The following SUFU variants were observed in gnomAD, a reference collection of about 807,000 sequenced individuals.
SUFU encodes SUFU negative regulator of hedgehog signaling.
Under a neutral mutation model 58.9 loss-of-function variants are expected in SUFU, and 7 were observed. The observed-to-expected ratio is 0.12, with a 90% CI of 0.07 to 0.22. SUFU has a LOEUF of 0.22. Among genes scored for constraint, SUFU ranks in the 10% least tolerant of loss-of-function variants. The pLI is 1.00. For synonymous variants in SUFU, 232 were observed against 254.8 expected (o/e 0.91, Z 0.85); for missense variants, 451 against 641.3 (o/e 0.70, Z 3.20).
chr10:102,537,942 G>T (rs2062759644), intron 2 of SUFU, among the ~76,000 whole-genome samples: 1 of 152,250 alleles, frequency 6.6e-6, no homozygotes, highest in Admixed American at 6.5e-5. Context: ...GGATCATGTG[G>T]CAATTCTATG....
chr10:102,503,915 G>T (rs1015484847), upstream of SUFU: 3 of 502,440 alleles, frequency 6.0e-6, no homozygotes, highest in Non-Finnish European at 6.9e-6. Context: ...TGCTTGGATA[G>T]GGTGCGCCGG....
intron 2 of SUFU, 122 bp downstream of exon 2, chr10:102,509,425 C>T (rs978758357): frequency 1.9e-5 from 27 of 1,393,804 alleles, no homozygotes; most frequent in Non-Finnish European, 2.1e-5. Context: ...CATTTCTGCC[C>T]TCTGACTATA....
At chr10:102,610,266 A>G (rs10736158) in intron 8 of SUFU, among the ~76,000 whole-genome samples, 68,456 of 150,964 alleles carry the variant, frequency 0.45, 15,916 homozygotes, top group East Asian at 0.68. Flanking sequence ...GGTGGTGGGC[A>G]CCTATAATCC....
chr10:102,524,327 TTC>T lies in SUFU; in HGVS notation c.317+15026_317+15027del, dbSNP rs755578481. On this transcript the variant is annotated intron_variant, in intron 2 of 11. Coordinates refer to ENST00000369902, the MANE Select transcript of SUFU (RefSeq NM_016169.4). ...GCCTAATTTTTCTTTTTCTTTTCTT[TTC>T]TTTTTTTTTTTTTTGAGATGAAGTC... Among the ~76,000 whole-genome samples the T allele has an allele frequency of 1.1e-3, 128 of 112,800 alleles. 19 individuals are homozygous for T. The highest frequency in any genetic ancestry group is 2.6e-3 in the African/African-American group (73 of 28,202). The allele number at this position is 112,800 out of a possible 152,430, so 74.0% of individuals were successfully genotyped here. A position where few individuals can be genotyped will look rare whatever the true frequency, so the allele number is the denominator to read the frequency against.
intron 3 of SUFU, among the ~76,000 whole-genome samples, chr10:102,590,545 T>C (rs1482054096): frequency 6.6e-6 from 1 of 152,202 alleles, no homozygotes; most frequent in Non-Finnish European, 1.5e-5. Flanking sequence ...GCATAAAGTA[T>C]ATTGGTCTAT....
chr10:102,597,452 G>A (rs1367759358), intron 7 of SUFU, among the ~76,000 whole-genome samples, 159 bp downstream of exon 7: 3 of 152,210 alleles, frequency 2.0e-5, no homozygotes, highest in East Asian at 1.9e-4. Context: ...CCAGCAGGGC[G>A]GAATTAAGGG....
chr10:102,509,439 A>C lies in SUFU; in HGVS notation c.317+136A>C, dbSNP rs2062372595. The C allele has an allele frequency of 2.4e-6, 3 of 1,273,164 alleles. No individual in the cohort carries two copies. In the Admixed American group the frequency reaches 5.1e-5, roughly 21 times the overall value. The allele number at this position is 1,273,164 out of a possible 1,614,324, so 78.9% of individuals were successfully genotyped here. On this transcript the variant is annotated intron_variant, in intron 2 of 11. Transcript: ENST00000369902. ...GCATTTCTGCCCTCTGACTATATCT[A>C]CTCATGCCAAGGTGGTCCTCGTTAA...
At chr10:102,529,439 A>AT (rs1232584261) in intron 2 of SUFU, among the ~76,000 whole-genome samples, 1 of 152,202 alleles carries the variant, frequency 6.6e-6, no homozygotes, top group African/African-American at 2.4e-5. Flanking sequence ...ATTTTAAAGG[A>AT]TAAATGATGA....
At chr10:102,572,497 C>G (rs951515672) in intron 3 of SUFU, among the ~76,000 whole-genome samples, 1 of 150,340 alleles carries the variant, frequency 6.7e-6, no homozygotes. Flanking sequence ...TCAAGCAATT[C>G]TCCTGCCCCA....
chr10:102,574,595 A>G (rs2063194973), intron 3 of SUFU, among the ~76,000 whole-genome samples: 1 of 152,196 alleles, frequency 6.6e-6, no homozygotes, highest in African/African-American at 2.4e-5. Context: ...CCTGAGTGAC[A>G]CAGTGAGACC....
At chr10:102,590,529 G>A (rs1036770697) in intron 3 of SUFU, among the ~76,000 whole-genome samples, 1 of 151,878 alleles carries the variant, frequency 6.6e-6, no homozygotes, top group African/African-American at 2.4e-5. Context: ...ATTTTTGTTT[G>A]TATATGCATA....
At position 102,625,129 on chromosome 10, in the gene SUFU, A is replaced by T. The variant is rs1468431825; in HGVS notation, c.1297-2046A>T. ...CAGACTGGTGATAACTGGTGGGGAAACTGAACTTTTGGGGAGGACACCCCT... is the reference window on the plus strand; with the variant it reads ...CAGACTGGTGATAACTGGTGGGGAATCTGAACTTTTGGGGAGGACACCCCT... On this transcript the variant is annotated intron_variant, in intron 10 of 11. Transcript: ENST00000369902. The surrounding 1 kb of genome is among the most constrained non-coding windows in gnomAD (Gnocchi z 4.7). 6.6e-6 allele frequency among the ~76,000 whole-genome samples: 1 copy of T among 152,218 alleles called. No homozygotes were observed. The highest frequency in any genetic ancestry group is 1.5e-5 in the Non-Finnish European group (1 of 68,036).
intron 3 of SUFU, among the ~76,000 whole-genome samples, chr10:102,585,028 T>A (rs1431355249): frequency 2.0e-5 from 3 of 152,274 alleles, no homozygotes; most frequent in Non-Finnish European, 4.4e-5. Flanking sequence ...CAGGCCAGGC[T>A]GCTGTGCCTG....
intron 2 of SUFU, among the ~76,000 whole-genome samples, chr10:102,523,810 G>A (rs1184006616): frequency 6.6e-6 from 1 of 152,214 alleles, no homozygotes; most frequent in South Asian, 2.1e-4. Flanking sequence ...ATCATGCTCA[G>A]AACCATCCAG....
At chr10:102,522,116 G>C (rs1162707887) in intron 2 of SUFU, among the ~76,000 whole-genome samples, 1 of 152,182 alleles carries the variant, frequency 6.6e-6, no homozygotes, top group Non-Finnish European at 1.5e-5. Flanking sequence ...TCTGAATTCA[G>C]CTTGCCCACT....
At chr10:102,537,183 A>G (rs1410353870) in intron 2 of SUFU, among the ~76,000 whole-genome samples, 1 of 135,670 alleles carries the variant, frequency 7.4e-6, no homozygotes, top group East Asian at 2.1e-4. Flanking sequence ...CTCAGGCTGC[A>G]GTGCAGTGGT....
At chr10:102,613,160 C>T (rs543448455) in intron 8 of SUFU, among the ~76,000 whole-genome samples, 1 of 152,330 alleles carries the variant, frequency 6.6e-6, no homozygotes, top group South Asian at 2.1e-4. Context: ...CACCCACTCT[C>T]TTTTGTAAAG....
In SUFU at chr10:102,632,286, C is replaced by A. The variant is rs1564713850; in HGVS notation, c.*2131C>A. 4.3e-6 allele frequency: 1 copy of A among 233,222 alleles called. No individual in the cohort carries two copies. Among genetic ancestry groups the A allele is most frequent in the Non-Finnish European group, 8.5e-6 (1 of 118,136 alleles). The allele number at this position is 233,222 out of a possible 1,614,324, so 14.4% of individuals were successfully genotyped here. A position where few individuals can be genotyped will look rare whatever the true frequency, so the allele number is the denominator to read the frequency against. On this transcript the variant is annotated 3_prime_UTR_variant, in exon 12 of 12. Transcript: ENST00000369902. Reference sequence around the variant, plus strand: ...AGGTAGACACCAGCCAGCATGGTGGCCCTGTTCTGGGGGAGCAGGGTAAGG... The same window carrying A: ...AGGTAGACACCAGCCAGCATGGTGGACCTGTTCTGGGGGAGCAGGGTAAGG...
At chr10:102,567,201 C>T (rs1239998195) in intron 3 of SUFU, among the ~76,000 whole-genome samples, 2 of 151,028 alleles carry the variant, frequency 1.3e-5, no homozygotes, top group Non-Finnish European at 3.0e-5. Flanking sequence ...TTATTAGAGA[C>T]GGGGTTTCAC....
Sources: allele counts gnomAD v4.1 joint callset (sites outside exome capture counted in the v4.1 genomes callset), GRCh38; gene constraint gnomAD v4.1.1; non-coding constraint Gnocchi (gnomAD v3.1); transcripts MANE v1.5; gene names NCBI Gene and HGNC (gene_info 2026-07-23, HGNC 2026-07-21).